CELF2: variants seen among roughly 807,000 people sequenced by gnomAD.
CELF2 encodes the protein CUGBP Elav-like family member 2.
A neutral mutation model predicts 62.6 loss-of-function variants in CELF2; 8 were observed. The observed-to-expected ratio is 0.13, with a 90% CI of 0.07 to 0.23. The LOEUF (loss-of-function observed/expected upper bound fraction) is 0.23. Among genes scored for constraint, CELF2 ranks in the 10% least tolerant of loss-of-function variants. CELF2 has a pLI of 1.00. For missense variants in CELF2, 333 were observed against 671.0 expected (o/e 0.50, Z 5.56); for synonymous variants, 258 against 250.0 (o/e 1.03, Z -0.30).
chr10:10,518,864 T>G, the CELF2 span, among the ~76,000 whole-genome samples: 44 of 152,168 alleles, frequency 2.9e-4, no homozygotes, highest in Non-Finnish European at 5.1e-4. Flanking sequence ...AATTTATTCA[T>G]GTAATTGGGA....
chr10:10,750,293 A>T, the CELF2 span, among the ~76,000 whole-genome samples: 1 of 152,222 alleles, frequency 6.6e-6, no homozygotes, highest in South Asian at 2.1e-4. Flanking sequence ...AGAAAAAAAA[A>T]AAAAAAGAAA....
At chr10:10,921,309 G>A (rs1054730930) in intron 2 of CELF2, among the ~76,000 whole-genome samples, 3 of 149,104 alleles carry the variant, frequency 2.0e-5, no homozygotes, top group Admixed American at 6.7e-5. Flanking sequence ...TCCTTCTGTC[G>A]CCCAGGCTGG....
chr10:11,304,194 A>G (rs1223439286), intron 9 of CELF2, among the ~76,000 whole-genome samples: 1 of 152,042 alleles, frequency 6.6e-6, no homozygotes, highest in African/African-American at 2.4e-5. Context: ...GGGTAAATCC[A>G]TTTCCTTTCC....
At chr10:10,962,554 C>G (rs2049636935) in intron 2 of CELF2, among the ~76,000 whole-genome samples, 1 of 152,172 alleles carries the variant, frequency 6.6e-6, no homozygotes, top group Admixed American at 6.5e-5. Flanking sequence ...AAGACCCCAT[C>G]TCTACAAATA....
chr10:10,944,222 C>T (rs935219874), intron 2 of CELF2: 9 of 152,658 alleles, frequency 5.9e-5, no homozygotes, highest in African/African-American at 2.2e-4. Context: ...GCATGTATTA[C>T]TTGGTCTGTT....
At chr10:10,849,068 T>C (rs2059204799) in intron 1 of CELF2, among the ~76,000 whole-genome samples, 2 of 152,118 alleles carry the variant, frequency 1.3e-5, no homozygotes, top group African/African-American at 4.8e-5. Context: ...TTTCTTTATC[T>C]TTCATTTTTT....
intron 2 of CELF2, among the ~76,000 whole-genome samples, chr10:11,194,272 G>T (rs2056825696): frequency 6.6e-6 from 1 of 151,788 alleles, no homozygotes; most frequent in Admixed American, 6.6e-5. Flanking sequence ...CACCATCTTG[G>T]CCAGGATGAT....
Position 11,178,423 on chromosome 10 carries a change from C to G in CELF2, c.271+12741C>G, listed in dbSNP as rs1482558836. ...CCACTCCCTGCAAAGGAAGTGCTTC[C>G]GAGAGCCAAGGCTTTGCTCTAATCT... On this transcript the variant is annotated intron_variant, in intron 2 of 12. Coordinates refer to ENST00000633077, the MANE Select transcript of CELF2 (RefSeq NM_001326342.2). This position sits in a 1 kb window ranked among gnomAD's most constrained non-coding sequence, Gnocchi z 4.3. Among the ~76,000 whole-genome samples, 1 of 152,190 alleles carries G rather than the reference C, an allele frequency of 6.6e-6. No homozygotes were observed. Among genetic ancestry groups the G allele is most frequent in the African/African-American group, 2.4e-5 (1 of 41,446 alleles).
the CELF2 span, among the ~76,000 whole-genome samples, chr10:10,594,923 C>A: frequency 2.6e-5 from 4 of 152,188 alleles, no homozygotes; most frequent in East Asian, 7.7e-4. Flanking sequence ...AAGAATTCAT[C>A]TCTCTCCTTA....
At chr10:11,135,930 A>G (rs888548349) in intron 1 of CELF2, among the ~76,000 whole-genome samples, 3 of 152,196 alleles carry the variant, frequency 2.0e-5, no homozygotes, top group Admixed American at 6.5e-5. Context: ...GGAGCCTAGG[A>G]TTGGCAGTTG....
At chr10:10,506,639 A>G in the CELF2 span, among the ~76,000 whole-genome samples, 2 of 142,274 alleles carry the variant, frequency 1.4e-5, no homozygotes, top group South Asian at 2.3e-4. Flanking sequence ...CAATGCAGCT[A>G]CTATCTACCA....
At chr10:10,862,744 T>C (rs752199256) in intron 1 of CELF2, among the ~76,000 whole-genome samples, 12 of 152,232 alleles carry the variant, frequency 7.9e-5, no homozygotes, top group African/African-American at 1.2e-4. Context: ...AGTACCTGCT[T>C]TTATATTTTC....
the CELF2 span, among the ~76,000 whole-genome samples, chr10:10,554,912 G>A: frequency 1.3e-5 from 2 of 152,212 alleles, no homozygotes; most frequent in African/African-American, 2.4e-5. Flanking sequence ...GTTACAAATA[G>A]CATTATACAT....
At chr10:11,023,907 G>T (rs77990271) in intron 1 of CELF2, among the ~76,000 whole-genome samples, 1 of 152,316 alleles carries the variant, frequency 6.6e-6, no homozygotes, top group East Asian at 1.9e-4. Flanking sequence ...GCTAATAAGT[G>T]TGTAGTCCTG....
intron 2 of CELF2, among the ~76,000 whole-genome samples, chr10:10,922,040 G>A (rs914388515): frequency 1.3e-5 from 2 of 152,032 alleles, no homozygotes; most frequent in Non-Finnish European, 2.9e-5. Context: ...GTTGCCATCT[G>A]TTACCGGAGA....
chr10:10,541,515 C>T, the CELF2 span, among the ~76,000 whole-genome samples: 1 of 151,900 alleles, frequency 6.6e-6, no homozygotes, highest in African/African-American at 2.4e-5. Context: ...ACATGCTAAA[C>T]AAAGGGTGGG....
the CELF2 span, among the ~76,000 whole-genome samples, chr10:10,736,414 C>A: frequency 9.3e-3 from 473 of 50,822 alleles, no homozygotes; most frequent in Middle Eastern, 0.031. Context: ...TTTTTTTGGA[C>A]CATTTCCTAT....
chr10:10,631,010 A>G, the CELF2 span, among the ~76,000 whole-genome samples: 614 of 152,310 alleles, frequency 4.0e-3, 4 homozygotes, highest in African/African-American at 0.013. Context: ...GGAATTGCCA[A>G]TGTTATACAC....
the CELF2 span, among the ~76,000 whole-genome samples, chr10:10,472,748 C>T: frequency 6.6e-6 from 1 of 151,894 alleles, no homozygotes; most frequent in South Asian, 2.1e-4. Context: ...GACATTAATG[C>T]AATGTTTGTC....
Sources: allele counts gnomAD v4.1 joint callset (sites outside exome capture counted in the v4.1 genomes callset), GRCh38; gene constraint gnomAD v4.1.1; non-coding constraint Gnocchi (gnomAD v3.1); transcripts MANE v1.5; gene names NCBI Gene and HGNC (gene_info 2026-07-23, HGNC 2026-07-21).